NAV2: variants seen among roughly 807,000 people sequenced by gnomAD.
NAV2 encodes the protein helicase, APC down-regulated 1.
NAV2 carries 54 observed loss-of-function variants against 223.2 expected under a neutral mutation model. The ratio of observed to expected loss-of-function variants is 0.24; its 90% CI spans 0.19 to 0.30. NAV2 has a LOEUF of 0.30. Ranked by LOEUF, NAV2 falls within the 10% of genes least tolerant of loss-of-function variation. NAV2 has a pLI of 1.00. For synonymous variants in NAV2, 1,279 were observed against 1,239.3 expected (o/e 1.03, Z -0.67); for missense variants, 2,806 against 3,147.5 (o/e 0.89, Z 2.60).
At chr11:19,744,288 G>A (rs2053140918) in intron 1 of NAV2, among the ~76,000 whole-genome samples, 1 of 152,194 alleles carries the variant, frequency 6.6e-6, no homozygotes, top group Non-Finnish European at 1.5e-5. Flanking sequence ...CCTTCACTGT[G>A]CAGAGTAGAG....
At chr11:19,446,153 T>A (rs534284227) in intron 1 of NAV2, among the ~76,000 whole-genome samples, 1 of 152,326 alleles carries the variant, frequency 6.6e-6, no homozygotes, top group South Asian at 2.1e-4. Context: ...TTTGATTATC[T>A]AGCTCTACAT....
At chr11:19,356,015 G>A (rs893925828) in intron 1 of NAV2, among the ~76,000 whole-genome samples, 5 of 152,204 alleles carry the variant, frequency 3.3e-5, no homozygotes, top group African/African-American at 1.2e-4. Context: ...CCTGGACTGG[G>A]CCAGTGTTTG....
chr11:20,027,866 T>A (rs938922778), intron 11 of NAV2, among the ~76,000 whole-genome samples: 1 of 152,270 alleles, frequency 6.6e-6, no homozygotes, highest in Non-Finnish European at 1.5e-5. Flanking sequence ...CCGGAGTCTT[T>A]TGCTGAAAGC....
At chr11:19,984,381 T>G in intron 11 of NAV2, 134 bp downstream of exon 11, 1 of 1,388,108 alleles carries the variant, frequency 7.2e-7, no homozygotes, top group Non-Finnish European at 9.8e-7. Context: ...CTGGAATCTG[T>G]ACCTGGGGTT....
At chr11:19,635,224 C>T (rs773232401) in intron 1 of NAV2, among the ~76,000 whole-genome samples, 3 of 152,118 alleles carry the variant, frequency 2.0e-5, no homozygotes, top group African/African-American at 2.4e-5. Context: ...AGTGTACAGG[C>T]GATATATGCC....
At chr11:19,714,297 G>A (rs1011434344) in intron 1 of NAV2, 13 of 544,830 alleles carry the variant, frequency 2.4e-5, no homozygotes, top group African/African-American at 3.7e-5. Flanking sequence ...TGAGGTCTTG[G>A]CCCCAAGAAG....
At chr11:20,050,009 T>C in intron 16 of NAV2, 108 bp downstream of exon 16, 1 of 957,064 alleles carries the variant, frequency 1.0e-6, no homozygotes, top group Non-Finnish European at 1.7e-6. Flanking sequence ...CACCTGCTTG[T>C]GTTTGTGGCT....
chr11:19,490,970 C>T (rs1256524566), intron 1 of NAV2, among the ~76,000 whole-genome samples: 4 of 152,132 alleles, frequency 2.6e-5, no homozygotes, highest in African/African-American at 9.7e-5. Flanking sequence ...TGTACACCTC[C>T]ATCAGAGCTT....
chr11:19,482,010 G>A (rs79248844), intron 1 of NAV2, among the ~76,000 whole-genome samples: 106 of 152,314 alleles, frequency 7.0e-4, no homozygotes, highest in African/African-American at 2.3e-3. Flanking sequence ...TAAATAGGAG[G>A]TCTGACTCAG....
At chr11:19,602,687 C>T (rs112237095) in intron 1 of NAV2, among the ~76,000 whole-genome samples, 2 of 152,256 alleles carry the variant, frequency 1.3e-5, no homozygotes, top group African/African-American at 4.8e-5. Flanking sequence ...CTGGTGGCTC[C>T]AGGCGTCTCG....
In NAV2 at chr11:19,768,707, T is replaced by C. The variant is rs188490598; in HGVS notation, c.267+54745T>C. On this transcript the variant is annotated intron_variant, in intron 1 of 37. Coordinates refer to ENST00000349880, the MANE Select transcript of NAV2 (RefSeq NM_145117.5). ...AGCTTAGGTTCCAGGCTATGCAGTCTGACAGGCCTGCGTTGCAATTCCAGC... is the reference window on the plus strand; with the variant it reads ...AGCTTAGGTTCCAGGCTATGCAGTCCGACAGGCCTGCGTTGCAATTCCAGC... 2.0e-5 allele frequency among the ~76,000 whole-genome samples: 3 copies of C among 152,312 alleles called. No homozygotes were observed. The East Asian group carries it at 5.8e-4, about 29-fold the overall frequency.
chr11:19,394,692 A>G (rs914112950), intron 1 of NAV2, among the ~76,000 whole-genome samples: 1 of 152,218 alleles, frequency 6.6e-6, no homozygotes, highest in African/African-American at 2.4e-5. Context: ...ATCTGCAGGC[A>G]GAGTGAAGTT....
intron 1 of NAV2, among the ~76,000 whole-genome samples, chr11:19,590,539 T>C (rs1032428449): frequency 2.0e-5 from 3 of 152,182 alleles, no homozygotes; most frequent in African/African-American, 7.2e-5. Flanking sequence ...GGTTGCTCCT[T>C]TTAATCCAAT....
intron 5 of NAV2, among the ~76,000 whole-genome samples, chr11:19,886,636 G>T (rs540143895): frequency 1.3e-5 from 2 of 152,184 alleles, no homozygotes; most frequent in Non-Finnish European, 2.9e-5. Flanking sequence ...CTGTTCCCAC[G>T]ATGTGCTCAG....
chr11:19,363,279 G>T (rs1311261436), intron 1 of NAV2, among the ~76,000 whole-genome samples: 1 of 152,164 alleles, frequency 6.6e-6, no homozygotes, highest in Admixed American at 6.5e-5. Flanking sequence ...ATGGTTTCCA[G>T]CTTCATCCAT....
chr11:19,521,001 A>G lies in NAV2; in HGVS notation c.75+169974A>G, dbSNP rs1216278042. On this transcript the variant is annotated intron_variant, in intron 1 of 37. Transcript: ENST00000360655. ...AAGGGAATGGAAGAACAGCCTTGGA[A>G]TCTTTTAAGAAGGCCCATGCGCCTG... Among the ~76,000 whole-genome samples the G allele has an allele frequency of 5.3e-5, 8 of 152,302 alleles. No individual in the cohort carries two copies. The East Asian group carries it at 1.5e-3, about 29-fold the overall frequency.
chr11:19,941,579 T>A (rs1335872665), intron 8 of NAV2, among the ~76,000 whole-genome samples: 2 of 152,054 alleles, frequency 1.3e-5, no homozygotes, highest in Non-Finnish European at 2.9e-5. Context: ...CTCTTACTTA[T>A]GCAAATGGGT....
chr11:19,764,528 TGGTTTG>T (rs2055046471), intron 1 of NAV2, among the ~76,000 whole-genome samples: 1 of 152,202 alleles, frequency 6.6e-6, no homozygotes, highest in Non-Finnish European at 1.5e-5. Context: ...CTTGAACCCC[TGGTTTG>T]TTTTCTTATC....
chr11:20,091,658 T>C (rs1281067151), intron 27 of NAV2, among the ~76,000 whole-genome samples: 1 of 152,192 alleles, frequency 6.6e-6, no homozygotes, highest in Non-Finnish European at 1.5e-5. Context: ...ACATTGTAGG[T>C]TCTTCATGAA....
Sources: gnomAD v4.1 joint callset for allele counts (sites outside exome capture counted in the v4.1 genomes callset) on GRCh38, gnomAD v4.1.1 for gene constraint, MANE v1.5 for transcripts, NCBI Gene and HGNC (gene_info 2026-07-23, HGNC 2026-07-21) for gene names.